SLC24A2: variants seen among roughly 807,000 people sequenced by gnomAD.
The protein encoded by SLC24A2 is solute carrier family 24 member 2.
Under a neutral mutation model 62.0 loss-of-function variants are expected in SLC24A2, and 36 were observed. That is an observed-to-expected ratio of 0.58 (90% CI 0.44 to 0.77). The LOEUF (loss-of-function observed/expected upper bound fraction) is 0.77. Among genes scored for constraint, SLC24A2 ranks in the 30% least tolerant of loss-of-function variants. The probability of loss-of-function intolerance (pLI) is 0.00; values close to 1 mark genes in which losing one functional copy is unlikely to be tolerated. For missense variants in SLC24A2, 846 were observed against 817.9 expected, an observed-to-expected ratio of 1.03 and a Z score of -0.42; for synonymous variants, 358 against 294.0, an observed-to-expected ratio of 1.22 and a Z score of -2.23.
chr9:19,752,593 C>T (rs986202342), intron 2 of SLC24A2, among the ~76,000 whole-genome samples: 2 of 152,078 alleles, frequency 1.3e-5, no homozygotes, highest in Non-Finnish European at 2.9e-5. Context: ...ACTCACCGAG[C>T]CTCAGTTTCC....
chr9:19,880,244 G>A, the SLC24A2 span, among the ~76,000 whole-genome samples: 1 of 152,142 alleles, frequency 6.6e-6, no homozygotes, highest in Non-Finnish European at 1.5e-5. Context: ...ATCCTTCCAA[G>A]AGTAAACTTA....
the SLC24A2 span, among the ~76,000 whole-genome samples, chr9:20,044,720 A>G: frequency 2.0e-5 from 3 of 152,210 alleles, no homozygotes; most frequent in Admixed American, 1.3e-4. Flanking sequence ...ATTTTCTGCT[A>G]CAGTGTTAGA....
At chr9:20,228,456 T>G in the SLC24A2 span, among the ~76,000 whole-genome samples, 1 of 151,834 alleles carries the variant, frequency 6.6e-6, no homozygotes, top group Non-Finnish European at 1.5e-5. Flanking sequence ...GTAAGAGAGC[T>G]GGCACCCCAA....
intron 2 of SLC24A2, among the ~76,000 whole-genome samples, chr9:19,724,039 A>G (rs964800318): frequency 6.6e-6 from 1 of 152,182 alleles, no homozygotes; most frequent in Admixed American, 6.6e-5. Flanking sequence ...TGCTACACTC[A>G]TAATAATGTC....
Position 19,523,568 on chromosome 9 carries a change from T to C in SLC24A2, c.1570-2508A>G, listed in dbSNP as rs569797400. 1.1e-4 allele frequency among the ~76,000 whole-genome samples: 17 copies of C among 152,274 alleles called. 1 individual carries two copies. The South Asian group carries it at 3.5e-3, about 32-fold the overall frequency. ...ACATTTGCTTCCTGGGTTCAAGTGATTCTCCTGCCTCAGCCTCCCAAGTAG... is the reference window on the plus strand; with the variant it reads ...ACATTTGCTTCCTGGGTTCAAGTGACTCTCCTGCCTCAGCCTCCCAAGTAG... On this transcript the variant is annotated intron_variant, in intron 9 of 10. Transcript: ENST00000341998.
the SLC24A2 span, among the ~76,000 whole-genome samples, chr9:20,260,818 C>T: frequency 1.2e-4 from 18 of 149,896 alleles, no homozygotes; most frequent in East Asian, 2.5e-3. Context: ...CCCTTTCCTC[C>T]GAGTCCCCAA....
intron 5 of SLC24A2, among the ~76,000 whole-genome samples, chr9:19,588,845 C>T (rs2132880101): frequency 6.6e-6 from 1 of 152,274 alleles, no homozygotes; most frequent in South Asian, 2.1e-4. Flanking sequence ...CCTGTAATCC[C>T]AGCTACCTGG....
intron 5 of SLC24A2, among the ~76,000 whole-genome samples, chr9:19,581,197 G>C (rs551415322): frequency 6.6e-6 from 1 of 152,278 alleles, no homozygotes; most frequent in South Asian, 2.1e-4. Flanking sequence ...TGGTGTTCAA[G>C]TTTCAGTGAA....
chr9:20,070,600 G>A, the SLC24A2 span, among the ~76,000 whole-genome samples: 4 of 152,182 alleles, frequency 2.6e-5, no homozygotes, highest in African/African-American at 9.7e-5. Flanking sequence ...ACTTTGCACA[G>A]AATAACAGCA....
the SLC24A2 span, among the ~76,000 whole-genome samples, chr9:20,104,784 G>A: frequency 6.6e-6 from 1 of 152,318 alleles, no homozygotes; most frequent in South Asian, 2.1e-4. Context: ...GGAAGAAACT[G>A]CATCAACTAA....
intron 2 of SLC24A2, among the ~76,000 whole-genome samples, chr9:19,738,149 T>A (rs1821564994): frequency 6.6e-6 from 1 of 152,200 alleles, no homozygotes; most frequent in African/African-American, 2.4e-5. Flanking sequence ...AGTCATGCTA[T>A]CTAGGAGGAT....
At chr9:20,105,391 A>C in the SLC24A2 span, among the ~76,000 whole-genome samples, 1 of 152,080 alleles carries the variant, frequency 6.6e-6, no homozygotes, top group African/African-American at 2.4e-5. Flanking sequence ...TCAACAGAAT[A>C]TACATTTTTT....
the SLC24A2 span, among the ~76,000 whole-genome samples, chr9:19,981,911 C>G: frequency 2.8e-4 from 43 of 152,256 alleles, no homozygotes; most frequent in South Asian, 8.3e-4. Context: ...GTATACTCTC[C>G]CTACCCACTA....
At chr9:20,246,805 A>G in the SLC24A2 span, among the ~76,000 whole-genome samples, 3 of 152,192 alleles carry the variant, frequency 2.0e-5, no homozygotes, top group Non-Finnish European at 4.4e-5. Context: ...GCCCAGATGT[A>G]GCCTGACAGG....
chr9:19,512,963 A>G lies in SLC24A2; in HGVS notation c.*3190T>C, dbSNP rs963791409. On this transcript the variant is annotated 3_prime_UTR_variant, in exon 11 of 11. Coordinates refer to ENST00000341998, the MANE Select transcript of SLC24A2 (RefSeq NM_020344.4). ...ATGGGTACATATGTGTATATTTGTA[A>G]ATATATGTGCATGGAACAAACAACC... 4.6e-5 allele frequency: 7 copies of G among 151,666 alleles called. No individual in the cohort carries two copies. The East Asian group carries it at 1.2e-3, about 25-fold the overall frequency. 9.4% of individuals were successfully genotyped at this position (151,666 alleles called of 1,614,324 possible). A position where few individuals can be genotyped will look rare whatever the true frequency, so the allele number is the denominator to read the frequency against.
chr9:19,643,734 T>C (rs373076663), intron 2 of SLC24A2, among the ~76,000 whole-genome samples: 4 of 152,346 alleles, frequency 2.6e-5, no homozygotes, highest in Non-Finnish European at 5.9e-5. Flanking sequence ...GAACTTGTAA[T>C]ATATCTCTAT....
the SLC24A2 span, among the ~76,000 whole-genome samples, chr9:20,107,796 A>T: frequency 0.11 from 16,820 of 152,008 alleles, 976 homozygotes; most frequent in Middle Eastern, 0.17. Flanking sequence ...CAAGGACTTC[A>T]TGTCTAAAAC....
At position 19,731,712 on chromosome 9, in the gene SLC24A2, T is replaced by A. The variant is rs866415913; in HGVS notation, c.930+54225A>T. Among the ~76,000 whole-genome samples the A allele has an allele frequency of 2.6e-5, 4 of 152,228 alleles. No individual in the cohort carries two copies. The South Asian group carries it at 8.3e-4, about 31-fold the overall frequency. On this transcript the variant is annotated intron_variant, in intron 2 of 10. Transcript: ENST00000341998. ...CCACCCAGTCTGTGGTATTTTCTTA[T>A]AGCAGCCCAAGCTGACTAATACATG...
At chr9:19,906,058 A>C in the SLC24A2 span, among the ~76,000 whole-genome samples, 1 of 152,188 alleles carries the variant, frequency 6.6e-6, no homozygotes, top group Admixed American at 6.5e-5. Context: ...CTATTCCAAA[A>C]CTGACCACAT....
Sources: allele counts gnomAD v4.1 joint callset (sites outside exome capture counted in the v4.1 genomes callset), GRCh38; gene constraint gnomAD v4.1.1; transcripts MANE v1.5; gene names NCBI Gene and HGNC (gene_info 2026-07-23, HGNC 2026-07-21).